The following PID1 variants were observed in gnomAD, a reference collection of about 807,000 sequenced individuals.
PID1 encodes the protein phosphotyrosine interaction domain containing 1, also known as PTB-containing, cubilin and LRP1-interacting protein.
In PID1, 10 loss-of-function variants were observed where a neutral mutation model predicts 19.1. The ratio of observed to expected loss-of-function variants is 0.52; its 90% CI spans 0.32 to 0.89. The LOEUF (loss-of-function observed/expected upper bound fraction) is 0.89. Ranked by LOEUF, PID1 falls within the 40% of genes least tolerant of loss-of-function variation. The pLI is 0.03. For missense variants in PID1, 248 were observed against 285.3 expected (o/e 0.87, Z 0.94); for synonymous variants, 130 against 116.0 (o/e 1.12, Z -0.78).
At chr2:229,172,124 CAA>C (rs1690723400) in intron 1 of PID1, among the ~76,000 whole-genome samples, 1 of 152,152 alleles carries the variant, frequency 6.6e-6, no homozygotes, top group African/African-American at 2.4e-5. Flanking sequence ...CAGATCCTAG[CAA>C]AGAAGTCAAA....
At chr2:229,077,814 A>G (rs1422311875) in intron 2 of PID1, among the ~76,000 whole-genome samples, 1 of 152,240 alleles carries the variant, frequency 6.6e-6, no homozygotes, top group Admixed American at 6.5e-5. Context: ...GAAGTCAGGT[A>G]GCATGATGCC....
At chr2:229,255,604 T>C (rs1446183559) in intron 1 of PID1, among the ~76,000 whole-genome samples, 3 of 152,190 alleles carry the variant, frequency 2.0e-5, no homozygotes, top group Non-Finnish European at 4.4e-5. Context: ...ATGTCCTCCA[T>C]TTTTGGAAGT....
intron 2 of PID1, among the ~76,000 whole-genome samples, chr2:229,094,253 A>T (rs905803569): frequency 1.1e-4 from 16 of 152,182 alleles, no homozygotes; most frequent in African/African-American, 3.6e-4. Flanking sequence ...AGAGATCTCT[A>T]AGAGAATTAC....
intron 1 of PID1, among the ~76,000 whole-genome samples, chr2:229,227,128 C>T (rs1301279043): frequency 6.6e-6 from 1 of 152,172 alleles, no homozygotes; most frequent in Non-Finnish European, 1.5e-5. Flanking sequence ...ATGAAATAAT[C>T]ATAAAAGGAC....
intron 1 of PID1, among the ~76,000 whole-genome samples, chr2:229,218,209 T>C (rs1241836466): frequency 7.4e-6 from 1 of 135,978 alleles, no homozygotes; most frequent in Non-Finnish European, 1.5e-5. Context: ...CATGAACTAA[T>C]ACAAAAGTTC....
Position 229,050,335 on chromosome 2 carries a change from T to C in PID1, c.178-24227A>G, listed in dbSNP as rs184241868. On this transcript the variant is annotated intron_variant, in intron 2 of 2. Transcript: ENST00000392055. ...GGAGATGGCTCTGGCTGTCAAAATG[T>C]ATAGCCTCTCCAGCAGAGCTCTAGT... Among the ~76,000 whole-genome samples the C allele has an allele frequency of 1.8e-3, 275 of 152,294 alleles. 1 individual carries two copies. Among genetic ancestry groups the C allele is most frequent in the African/African-American group, 6.2e-3 (256 of 41,548 alleles).
intron 2 of PID1, among the ~76,000 whole-genome samples, chr2:229,091,108 CAAAATA>C (rs1694866887): frequency 6.6e-6 from 1 of 151,928 alleles, no homozygotes; most frequent in Non-Finnish European, 1.5e-5. Flanking sequence ...ATGCATCCTA[CAAAATA>C]AAAATAAACA....
At chr2:229,242,301 C>T (rs564787338) in intron 1 of PID1, among the ~76,000 whole-genome samples, 3 of 152,318 alleles carry the variant, frequency 2.0e-5, no homozygotes, top group South Asian at 2.1e-4. Context: ...TCAAAACTCA[C>T]AGCACTTGCT....
chr2:229,249,131 A>G (rs1238190654), intron 1 of PID1, among the ~76,000 whole-genome samples: 1 of 152,236 alleles, frequency 6.6e-6, no homozygotes, highest in African/African-American at 2.4e-5. Context: ...TGCATTCCTG[A>G]AATTAAATAT....
At chr2:229,235,790 C>G (rs1559297606) in intron 1 of PID1, among the ~76,000 whole-genome samples, 1 of 152,062 alleles carries the variant, frequency 6.6e-6, no homozygotes. Flanking sequence ...GCATTCCAGT[C>G]TGAAGCAAGA....
chr2:229,212,772 T>G (rs989793841), intron 1 of PID1, among the ~76,000 whole-genome samples: 1 of 152,042 alleles, frequency 6.6e-6, no homozygotes, highest in Non-Finnish European at 1.5e-5. Flanking sequence ...GTGAGAAAAT[T>G]GAGGATTCGT....
chr2:229,087,642 A>T (rs1694795063), intron 2 of PID1, among the ~76,000 whole-genome samples: 1 of 152,152 alleles, frequency 6.6e-6, no homozygotes. Context: ...GAAGTCTACA[A>T]CCTTCCTGCT....
At chr2:229,264,318 A>G (rs1030699494) in intron 1 of PID1, among the ~76,000 whole-genome samples, 1 of 152,198 alleles carries the variant, frequency 6.6e-6, no homozygotes, top group Non-Finnish European at 1.5e-5. Flanking sequence ...CTACATTTAT[A>G]ACATGAGAGA....
At chr2:229,081,523 T>C (rs1431515339) in intron 2 of PID1, among the ~76,000 whole-genome samples, 1 of 152,200 alleles carries the variant, frequency 6.6e-6, no homozygotes, top group Admixed American at 6.5e-5. Context: ...AGAGAGCCAC[T>C]GAAGGGCTTG....
At chr2:229,116,530 G>C (rs1425584646) in intron 2 of PID1, among the ~76,000 whole-genome samples, 1 of 152,106 alleles carries the variant, frequency 6.6e-6, no homozygotes, top group Non-Finnish European at 1.5e-5. Flanking sequence ...ACTGAATCAT[G>C]GGGGTGGGTC....
chr2:229,049,025 G>A (rs907965391), intron 2 of PID1, among the ~76,000 whole-genome samples: 2 of 152,126 alleles, frequency 1.3e-5, no homozygotes, highest in Admixed American at 6.6e-5. Context: ...AGACACTGCC[G>A]ATAGTAAATT....
At chr2:229,142,992 T>C (rs945889103) in intron 2 of PID1, among the ~76,000 whole-genome samples, 1 of 148,666 alleles carries the variant, frequency 6.7e-6, no homozygotes, top group Non-Finnish European at 1.5e-5. Flanking sequence ...GTGGCACATA[T>C]ACACCATGGA....
At chr2:229,211,328 A>C (rs1691729841) in intron 1 of PID1, among the ~76,000 whole-genome samples, 1 of 151,944 alleles carries the variant, frequency 6.6e-6, no homozygotes, top group Non-Finnish European at 1.5e-5. Context: ...TCCTTCACTT[A>C]CTTGTTCATT....
At chr2:229,199,379 G>A (rs1220926433) in intron 1 of PID1, among the ~76,000 whole-genome samples, 1 of 151,746 alleles carries the variant, frequency 6.6e-6, no homozygotes, top group Non-Finnish European at 1.5e-5. Flanking sequence ...TTCCACCATG[G>A]GAAGGGCTCT....
Sources: gnomAD v4.1 joint callset for allele counts (sites outside exome capture counted in the v4.1 genomes callset) on GRCh38, gnomAD v4.1.1 for gene constraint, MANE v1.5 for transcripts, NCBI Gene and HGNC (gene_info 2026-07-23, HGNC 2026-07-21) for gene names.